Variants in GRID2 observed in about 807,000 individuals in gnomAD.
GRID2 encodes glutamate receptor ionotropic, delta-2.
GRID2 carries 33 observed loss-of-function variants against 114.8 expected under a neutral mutation model. That is an observed-to-expected ratio of 0.29 (90% CI 0.22 to 0.38). The LOEUF is 0.38. Ranked by LOEUF, GRID2 falls within the 10% of genes least tolerant of loss-of-function variation. The pLI is 1.00. For missense variants in GRID2, 1,184 were observed against 1,257.7 expected, an observed-to-expected ratio of 0.94 and a Z score of 0.89; for synonymous variants, 505 against 449.9, an observed-to-expected ratio of 1.12 and a Z score of -1.55.
At chr4:92,359,860 T>C (rs551766932) in intron 1 of GRID2, among the ~76,000 whole-genome samples, 1 of 152,092 alleles carries the variant, frequency 6.6e-6, no homozygotes, top group South Asian at 2.1e-4. Context: ...TGCAAGTGAA[T>C]TTTAAAATAT....
At chr4:92,824,305 TTTA>T (rs1741526710) in intron 2 of GRID2, among the ~76,000 whole-genome samples, 1 of 152,148 alleles carries the variant, frequency 6.6e-6, no homozygotes, top group Admixed American at 6.6e-5. Context: ...ATATGATCTT[TTTA>T]TTATCTCCAA....
chr4:92,944,207 C>A (rs1177932283), intron 2 of GRID2, among the ~76,000 whole-genome samples: 1 of 152,198 alleles, frequency 6.6e-6, no homozygotes, highest in Non-Finnish European at 1.5e-5. Flanking sequence ...AGGCAGGCCT[C>A]CTTGAGCTGT....
At chr4:93,268,405 C>T (rs901363719) in intron 8 of GRID2, among the ~76,000 whole-genome samples, 1 of 152,138 alleles carries the variant, frequency 6.6e-6, no homozygotes, top group Non-Finnish European at 1.5e-5. Flanking sequence ...ATCACCTCCT[C>T]ATAGGCCCCA....
intron 2 of GRID2, among the ~76,000 whole-genome samples, chr4:92,985,287 G>T (rs759014925): frequency 6.7e-6 from 1 of 149,942 alleles, no homozygotes; most frequent in African/African-American, 2.5e-5. Context: ...GCAGTGGCGC[G>T]ATCTCAGCTC....
intron 8 of GRID2, among the ~76,000 whole-genome samples, chr4:93,250,934 T>G (rs1748841570): frequency 6.6e-6 from 1 of 151,816 alleles, no homozygotes; most frequent in African/African-American, 2.4e-5. Flanking sequence ...TCCTGGTTTT[T>G]GAGGGGAGGT....
rs189441238 is a variant in GRID2, at chr4:93,254,122, T to C, written c.1245+15632T>C. On this transcript the variant is annotated intron_variant, in intron 8 of 15. Transcript: ENST00000282020. ...AGATGGAGATGCTCTTTTTGAGTAATTAGAGTCACTTTTATTAATCATAGT... is the reference window on the plus strand; with the variant it reads ...AGATGGAGATGCTCTTTTTGAGTAACTAGAGTCACTTTTATTAATCATAGT... Among the ~76,000 whole-genome samples, 994 of 152,186 alleles carry C rather than the reference T, an allele frequency of 6.5e-3. 10 individuals are homozygous for C. The highest frequency in any genetic ancestry group is 0.023 in the African/African-American group (959 of 41,556).
intron 2 of GRID2, among the ~76,000 whole-genome samples, chr4:92,831,903 C>A (rs1050747315): frequency 2.0e-5 from 3 of 151,732 alleles, no homozygotes; most frequent in African/African-American, 4.8e-5. Flanking sequence ...AATAAACCCC[C>A]CAAAATAAGA....
At chr4:92,932,043 A>G (rs1750280143) in intron 2 of GRID2, among the ~76,000 whole-genome samples, 1 of 151,322 alleles carries the variant, frequency 6.6e-6, no homozygotes, top group Non-Finnish European at 1.5e-5. Context: ...CAACGATTTC[A>G]TTGGCAAAAA....
chr4:92,783,708 C>T (rs929290082), intron 2 of GRID2, among the ~76,000 whole-genome samples: 8 of 151,900 alleles, frequency 5.3e-5, no homozygotes, highest in Non-Finnish European at 1.0e-4. Context: ...CAAAGTGACA[C>T]CCAGTCTTTA....
intron 9 of GRID2, among the ~76,000 whole-genome samples, chr4:93,419,515 A>G (rs1000715885): frequency 2.6e-5 from 4 of 152,176 alleles, no homozygotes; most frequent in Non-Finnish European, 5.9e-5. Flanking sequence ...CTTAGTTAGA[A>G]TTTATGAGTA....
chr4:93,277,825 T>C (rs1300086324), intron 8 of GRID2, among the ~76,000 whole-genome samples: 1 of 151,964 alleles, frequency 6.6e-6, no homozygotes, highest in African/African-American at 2.4e-5. Context: ...ATAGTAAGTA[T>C]TTATAGTGTT....
intron 2 of GRID2, among the ~76,000 whole-genome samples, chr4:92,919,567 G>C (rs1206427073): frequency 6.6e-6 from 1 of 152,096 alleles, no homozygotes; most frequent in Non-Finnish European, 1.5e-5. Context: ...GTTCTCATTG[G>C]TTTCAAAGAA....
intron 7 of GRID2, among the ~76,000 whole-genome samples, chr4:93,236,819 A>G (rs1746852523): frequency 6.6e-6 from 1 of 152,240 alleles, no homozygotes; most frequent in African/African-American, 2.4e-5. Flanking sequence ...TTAAGCGTAT[A>G]ATAATTTTTG....
rs186716280 is a variant in GRID2 at position 92,850,363 on chromosome 4, T to C, written c.245-234632T>C. Among the ~76,000 whole-genome samples the C allele has an allele frequency of 6.6e-4, 100 of 152,014 alleles. 1 individual carries two copies. The highest frequency in any genetic ancestry group is 2.2e-3 in the African/African-American group (91 of 41,556). On this transcript the variant is annotated intron_variant, in intron 2 of 15. Transcript: ENST00000282020. ...TGCATTGTTTCAGGTATTTTATTCA[T>C]TGTAAAACTTTTTGTAAACAAATGT...
intron 2 of GRID2, among the ~76,000 whole-genome samples, chr4:92,895,404 T>TATATATATATATATATATATATAA (rs1280678337): frequency 1.4e-5 from 2 of 147,014 alleles, no homozygotes; most frequent in African/African-American, 5.1e-5. Flanking sequence ...TATATATATA[T>TATATATATATATATATATATATAA]AAACTGAAAG....
At chr4:92,536,189 G>C (rs1438869264) in intron 1 of GRID2, among the ~76,000 whole-genome samples, 8 of 151,014 alleles carry the variant, frequency 5.3e-5, no homozygotes, top group Admixed American at 5.2e-4. Context: ...ATTTTACAGA[G>C]TGCTGATTGG....
intron 12 of GRID2, among the ~76,000 whole-genome samples, chr4:93,494,170 A>G (rs182116424): frequency 1.3e-5 from 2 of 151,946 alleles, no homozygotes; most frequent in Admixed American, 1.3e-4. Context: ...ATTCAATGTC[A>G]TGCTTCTTAA....
intron 8 of GRID2, among the ~76,000 whole-genome samples, chr4:93,371,284 T>C (rs1316471164): frequency 6.6e-6 from 1 of 152,170 alleles, no homozygotes; most frequent in Admixed American, 6.5e-5. Flanking sequence ...AGGCACCAGG[T>C]ACAGTTACAT....
At chr4:93,598,853 G>A (rs1318107177) in intron 13 of GRID2, among the ~76,000 whole-genome samples, 1 of 152,144 alleles carries the variant, frequency 6.6e-6, no homozygotes, top group Non-Finnish European at 1.5e-5. Flanking sequence ...AGAGATTGAA[G>A]CAAGAATTGT....
Sources: allele counts gnomAD v4.1 joint callset (sites outside exome capture counted in the v4.1 genomes callset), GRCh38; gene constraint gnomAD v4.1.1; transcripts MANE v1.5; gene names NCBI Gene and HGNC (gene_info 2026-07-23, HGNC 2026-07-21).